Variants in TRAPPC10 observed in about 807,000 individuals in gnomAD.
TRAPPC10 encodes trafficking protein particle complex subunit 10, also known as TRAPP 130 kDa subunit.
In TRAPPC10, 23 loss-of-function variants were observed where a neutral mutation model predicts 125.5. The ratio of observed to expected loss-of-function variants is 0.18; its 90% CI spans 0.13 to 0.26. The LOEUF (loss-of-function observed/expected upper bound fraction) is 0.26, where lower values mean the gene tolerates loss of function less well. Among genes scored for constraint, TRAPPC10 ranks in the 10% least tolerant of loss-of-function variants. The pLI is 1.00. For synonymous variants in TRAPPC10, 509 were observed against 518.0 expected, an observed-to-expected ratio of 0.98 and a Z score of 0.24; for missense variants, 1,123 against 1,308.4, an observed-to-expected ratio of 0.86 and a Z score of 2.19.
In TRAPPC10 at chr21:44,055,714, G is replaced by T. The variant is rs769541373; in HGVS notation, c.499G>T (p.Asp167Tyr). The change falls in exon 5 of 23, where the codon GAC becomes TAC. Residue 167 changes from aspartate (D) to tyrosine (Y), a missense_variant. By Grantham distance (160) the Asp-to-Tyr change is radical. This residue lies in a region of TRAPPC10 where 177 missense variants were observed against 228.9 expected (regional missense o/e 0.77). Transcript: ENST00000291574. The stretch of plus-strand genomic sequence containing the variant: ...TCTTTGCAGGTGTGTTGTGCTCTCC[G>T]ACCCCTTGAAGGACTCTTCTCGAAC... ...KQSDRCVVLS[D>Y]PLKDSSRTQE... is the part of the protein sequence containing the mutation. 1 of 1,607,756 alleles carries T rather than the reference G, an allele frequency of 6.2e-7. No individual in the cohort carries two copies. The highest frequency in any genetic ancestry group is 8.5e-7 in the Non-Finnish European group (1 of 1,174,930).
chr21:44,029,467 A>T (rs1040475656), intron 1 of TRAPPC10, among the ~76,000 whole-genome samples: 2 of 152,200 alleles, frequency 1.3e-5, no homozygotes, highest in South Asian at 2.1e-4. Context: ...ATAAGACTTG[A>T]TGTGAAGATT....
chr21:44,064,460 A>G (rs1487772641), intron 7 of TRAPPC10, among the ~76,000 whole-genome samples: 2 of 152,208 alleles, frequency 1.3e-5, no homozygotes, highest in East Asian at 1.9e-4. Context: ...TAGAGACCGT[A>G]TCTAGTCTGG....
intron 6 of TRAPPC10, chr21:44,062,850 G>A (rs1050001042): frequency 2.0e-6 from 2 of 985,446 alleles, no homozygotes; most frequent in Non-Finnish European, 2.4e-6. Context: ...CCTCTCTGTT[G>A]AAGTGAGAAA....
At chr21:44,051,542 A>C (rs969363707) in intron 3 of TRAPPC10, among the ~76,000 whole-genome samples, 33 of 152,200 alleles carry the variant, frequency 2.2e-4, no homozygotes, top group African/African-American at 8.0e-4. Context: ...AACCAAGCTG[A>C]AGGCCTTGGC....
intron 1 of TRAPPC10, among the ~76,000 whole-genome samples, chr21:44,027,912 C>A (rs2033219591): frequency 6.6e-6 from 1 of 152,138 alleles, no homozygotes. Context: ...AGGTACTCAA[C>A]CTGCTGAAGC....
At chr21:44,021,925 C>CTA (rs2032541145) in intron 1 of TRAPPC10, among the ~76,000 whole-genome samples, 1 of 152,042 alleles carries the variant, frequency 6.6e-6, no homozygotes, top group Admixed American at 6.6e-5. Context: ...ACCTACAGAG[C>CTA]TATGAGAAAA....
chr21:44,090,170 G>A (rs925118056), intron 18 of TRAPPC10, among the ~76,000 whole-genome samples: 2 of 151,798 alleles, frequency 1.3e-5, no homozygotes, highest in Admixed American at 6.6e-5. Context: ...TGTGACTTGG[G>A]GTCCAAAATC....
chr21:44,089,085 C>T (rs550467142), intron 17 of TRAPPC10: 3 of 237,162 alleles, frequency 1.3e-5, no homozygotes, highest in East Asian at 1.4e-4. Context: ...TCTTCCCTGG[C>T]GCTGGTGGCA....
intron 5 of TRAPPC10, among the ~76,000 whole-genome samples, chr21:44,058,791 G>T (rs2035808083): frequency 6.6e-6 from 1 of 152,244 alleles, no homozygotes; most frequent in South Asian, 2.1e-4. Context: ...GGGAGCCACA[G>T]TGAGGGGCGA....
In TRAPPC10 at chr21:44,052,575, A is replaced by G. The variant is rs372660339; in HGVS notation, c.482+99A>G. The G allele has an allele frequency of 5.1e-6, 6 of 1,171,520 alleles. No individual in the cohort carries two copies. In the South Asian group the frequency reaches 9.1e-5, roughly 18 times the overall value. 72.6% of individuals were successfully genotyped at this position (1,171,520 alleles called of 1,614,324 possible). On this transcript the variant is annotated intron_variant, in intron 4 of 22. Coordinates refer to ENST00000291574, the MANE Select transcript of TRAPPC10 (RefSeq NM_003274.5). ...AATAAATATTTACTCAGCAATCTCG[A>G]GTGAGTGTCCATGGGGTGCTGTCAA...
chr21:44,083,060 G>A lies in TRAPPC10; in HGVS notation c.1996G>A (p.Val666Ile). The stretch of plus-strand genomic sequence containing the variant: ...TCCACCCGAGACCGCACCTTTCCCT[G>A]TATCCCAAAACAGTTTGCCCGCGCT... ...NFPPETAPFP[V>I]SQNSLPALEL... Residue 666 changes from valine to isoleucine, a missense_variant, in exon 14 of 23, where the codon GTA (valine) becomes ATA (isoleucine). This residue lies in a region of TRAPPC10 where 840 missense variants were observed against 902.0 expected (regional missense o/e 0.93). Coordinates refer to ENST00000291574, the MANE Select transcript of TRAPPC10 (RefSeq NM_003274.5). 6.2e-7 allele frequency: 1 copy of A among 1,614,096 alleles called. No individual in the cohort carries two copies. Among genetic ancestry groups the A allele is most frequent in the South Asian group, 1.1e-5 (1 of 91,078 alleles).
intron 15 of TRAPPC10, 101 bp downstream of exon 15, chr21:44,084,364 C>T (rs1257396619): frequency 8.3e-7 from 1 of 1,202,154 alleles, no homozygotes. Context: ...CTGTGTCTGC[C>T]TTTAAGAGAT....
At chr21:44,016,693 T>C (rs574697423) in intron 1 of TRAPPC10, among the ~76,000 whole-genome samples, 8 of 152,202 alleles carry the variant, frequency 5.3e-5, no homozygotes, top group Non-Finnish European at 8.8e-5. Flanking sequence ...GAGTCTTGCT[T>C]TGTTGCCCAG....
intron 1 of TRAPPC10, among the ~76,000 whole-genome samples, chr21:44,031,807 G>A (rs2033603950): frequency 6.6e-6 from 1 of 152,168 alleles, no homozygotes; most frequent in Admixed American, 6.5e-5. Flanking sequence ...CCTAAGCTTT[G>A]TGTCCTTGGG....
chr21:44,088,721 C>A, intron 17 of TRAPPC10: 1 of 162,720 alleles, frequency 6.1e-6, no homozygotes, highest in Admixed American at 6.3e-5. Flanking sequence ...GGCACCTGTG[C>A]TATGTGCCGT....
At position 44,012,578 on chromosome 21, in the gene TRAPPC10, G is replaced by C; in HGVS notation, c.67+18G>C. The C allele has an allele frequency of 6.5e-7, 1 of 1,530,762 alleles. No homozygotes were observed. Among genetic ancestry groups the C allele is most frequent in the Non-Finnish European group, 8.8e-7 (1 of 1,135,964 alleles). 94.8% of individuals were successfully genotyped at this position (1,530,762 alleles called of 1,614,324 possible). On this transcript the variant is annotated intron_variant, in intron 1 of 22. Transcript: ENST00000291574. ...CGTCACCTGTGAGTGCCCGGAGGCG[G>C]GGAGGGCGCGGCGGTCGTTGGGCGG...
intron 1 of TRAPPC10, among the ~76,000 whole-genome samples, chr21:44,020,413 C>T (rs773999889): frequency 6.6e-6 from 1 of 152,078 alleles, no homozygotes; most frequent in Non-Finnish European, 1.5e-5. Flanking sequence ...GCATGAGCCA[C>T]CGCGCCTGGC....
intron 1 of TRAPPC10, among the ~76,000 whole-genome samples, chr21:44,019,083 G>A (rs938529179): frequency 2.0e-5 from 3 of 151,950 alleles, no homozygotes; most frequent in Admixed American, 6.6e-5. Context: ...TTAAGACATG[G>A]TCTCACTGTG....
chr21:44,080,276 T>A, intron 13 of TRAPPC10, 149 bp downstream of exon 13: 1 of 671,036 alleles, frequency 1.5e-6, no homozygotes, highest in South Asian at 1.9e-5. Context: ...ACCTGACTTT[T>A]TTTTTTATTT....
Sources: allele counts gnomAD v4.1 joint callset (sites outside exome capture counted in the v4.1 genomes callset), GRCh38; gene constraint gnomAD v4.1.1; regional missense constraint gnomAD v4.1.1; transcripts MANE v1.5; gene names NCBI Gene and HGNC (gene_info 2026-07-23, HGNC 2026-07-21).